Variants in PLCG2 observed in about 807,000 individuals in gnomAD.
The protein encoded by PLCG2 is phospholipase C gamma 2.
In PLCG2, 69 loss-of-function variants were observed where a neutral mutation model predicts 175.6. The ratio of observed to expected loss-of-function variants is 0.39; its 90% CI spans 0.32 to 0.48. The LOEUF (loss-of-function observed/expected upper bound fraction) is 0.48, where lower values mean the gene tolerates loss of function less well. Ranked by LOEUF, PLCG2 falls within the 20% of genes least tolerant of loss-of-function variation. The pLI, the probability that PLCG2 is intolerant of heterozygous loss-of-function variation, is 0.91. For synonymous variants in PLCG2, 827 were observed against 624.0 expected (o/e 1.33, Z -4.85); for missense variants, 1,798 against 1,650.9 (o/e 1.09, Z -1.54).
intron 23 of PLCG2, 38 bp from the exon 24 acceptor site, chr16:81,928,520 G>T: frequency 7.5e-7 from 1 of 1,336,190 alleles, no homozygotes; most frequent in Non-Finnish European, 1.1e-6. Context: ...TATTATTCCC[G>T]TTACAACTAA....
intron 22 of PLCG2, among the ~76,000 whole-genome samples, chr16:81,926,713 G>T (rs1910289394): frequency 6.6e-6 from 1 of 152,260 alleles, no homozygotes; most frequent in African/African-American, 2.4e-5. Flanking sequence ...TTTAATTCCA[G>T]CCTGTCTGCC....
intron 19 of PLCG2, 34 bp from the exon 20 acceptor site, chr16:81,919,450 T>C: frequency 6.3e-7 from 1 of 1,580,224 alleles, no homozygotes; most frequent in South Asian, 1.1e-5. Flanking sequence ...CACCAGGATC[T>C]TGGCATGTCA....
intron 1 of PLCG2, among the ~76,000 whole-genome samples, chr16:81,782,710 G>A (rs1200974926): frequency 6.6e-6 from 1 of 152,224 alleles, no homozygotes; most frequent in African/African-American, 2.4e-5. Flanking sequence ...TCAGTGCTCT[G>A]TGCATGTTAA....
At chr16:81,775,630 G>A (rs1667480091), upstream of PLCG2, among the ~76,000 whole-genome samples, 1 of 152,188 alleles carries the variant, frequency 6.6e-6, no homozygotes, top group Non-Finnish European at 1.5e-5. Flanking sequence ...ATGCACCATG[G>A]CTGCCAGCAA....
intron 2 of PLCG2, among the ~76,000 whole-genome samples, chr16:81,811,180 C>T (rs1904316588): frequency 6.6e-6 from 1 of 152,192 alleles, no homozygotes; most frequent in South Asian, 2.1e-4. Context: ...CCTCCTGAGT[C>T]TCCCATTCTG....
chr16:81,868,605 T>A (rs1354155395), intron 5 of PLCG2, among the ~76,000 whole-genome samples: 1 of 152,248 alleles, frequency 6.6e-6, no homozygotes. Context: ...ATGAAGAGTG[T>A]CATAGTTACT....
At chr16:81,762,718 A>C (rs533595757) in intron 2 of PLCG2, among the ~76,000 whole-genome samples, 1 of 152,214 alleles carries the variant, frequency 6.6e-6, no homozygotes, top group Non-Finnish European at 1.5e-5. Context: ...GAGCAAAAGA[A>C]TACACCACTG....
At position 81,886,223 on chromosome 16, in the gene PLCG2, A is replaced by G. The variant is rs534937868; in HGVS notation, c.765+2882A>G. 1.1e-4 allele frequency among the ~76,000 whole-genome samples: 16 copies of G among 152,318 alleles called. 1 individual carries two copies. The South Asian group carries it at 3.3e-3, about 32-fold the overall frequency. On this transcript the variant is annotated intron_variant, in intron 9 of 32. Coordinates refer to ENST00000564138, the MANE Select transcript of PLCG2 (RefSeq NM_002661.5). Reference sequence around the variant, plus strand: ...TTGACTTTATTACGTGCTTTCCCCAAACGGGGCCCTTTGCTGGGCTGCCCT... The same window carrying G: ...TTGACTTTATTACGTGCTTTCCCCAGACGGGGCCCTTTGCTGGGCTGCCCT...
intron 2 of PLCG2, among the ~76,000 whole-genome samples, chr16:81,787,310 C>T (rs1357047159): frequency 6.6e-6 from 1 of 152,014 alleles, no homozygotes; most frequent in Admixed American, 6.6e-5. Flanking sequence ...CAGCCTCAGC[C>T]CCCTGGGCTC....
intron 19 of PLCG2, among the ~76,000 whole-genome samples, chr16:81,915,226 A>G (rs1909793237): frequency 6.6e-6 from 1 of 152,148 alleles, no homozygotes; most frequent in South Asian, 2.1e-4. Flanking sequence ...GCAGTAGGGG[A>G]ACACAGGTCT....
At chr16:81,933,610 G>A (rs1241559860) in intron 25 of PLCG2, among the ~76,000 whole-genome samples, 8 of 149,986 alleles carry the variant, frequency 5.3e-5, no homozygotes, top group Non-Finnish European at 7.4e-5. Context: ...TCACTCTGTT[G>A]CCCAGGCTAC....
chr16:81,957,548 A>G (rs1911624523), intron 32 of PLCG2, among the ~76,000 whole-genome samples: 1 of 152,142 alleles, frequency 6.6e-6, no homozygotes, highest in Non-Finnish European at 1.5e-5. Flanking sequence ...ATCCCCCAAC[A>G]GGGATGCTTG....
intron 9 of PLCG2, among the ~76,000 whole-genome samples, chr16:81,884,666 A>G (rs893469403): frequency 6.6e-6 from 1 of 151,798 alleles, no homozygotes; most frequent in Non-Finnish European, 1.5e-5. Flanking sequence ...ATTTTTGTTT[A>G]TATCATTGGA....
At position 81,958,300 on chromosome 16, in the gene PLCG2, T is replaced by G. The variant is rs984987153; in HGVS notation, c.*302T>G. The G allele has an allele frequency of 2.5e-5, 10 of 405,670 alleles. No homozygotes were observed. Among genetic ancestry groups the G allele is most frequent in the Non-Finnish European group, 4.0e-5 (9 of 223,990 alleles). The allele number at this position is 405,670 out of a possible 1,614,324, so 25.1% of individuals were successfully genotyped here. Reference sequence around the variant, plus strand: ...AAAAGCAATGAAAACCTTGATCAATTAAGCCTTCTGTTGCACGACCTGTGC... The same window carrying G: ...AAAAGCAATGAAAACCTTGATCAATGAAGCCTTCTGTTGCACGACCTGTGC... On this transcript the variant is annotated 3_prime_UTR_variant, in exon 33 of 33. Coordinates refer to ENST00000564138, the MANE Select transcript of PLCG2 (RefSeq NM_002661.5).
Position 81,796,554 on chromosome 16 carries a change from T to C in PLCG2, c.193+10372T>C, listed in dbSNP as rs191552390. Among the ~76,000 whole-genome samples, 569 of 152,366 alleles carry C rather than the reference T, an allele frequency of 3.7e-3. 1 individual carries two copies. Among genetic ancestry groups the C allele is most frequent in the African/African-American group, 0.013 (521 of 41,580 alleles). On this transcript the variant is annotated intron_variant, in intron 2 of 32. Transcript: ENST00000564138. The stretch of plus-strand genomic sequence containing the variant: ...TTGAATTGTCCTTACCAATTTCATA[T>C]GTCAAGGTCCTAATCCCCATACTCA...
At chr16:81,910,211 C>T (rs1424807309) in intron 17 of PLCG2, among the ~76,000 whole-genome samples, 2 of 152,192 alleles carry the variant, frequency 1.3e-5, no homozygotes. Flanking sequence ...TTGCCTCAGC[C>T]TCCCAAGTAG....
intron 2 of PLCG2, among the ~76,000 whole-genome samples, chr16:81,838,159 A>G (rs1056284943): frequency 6.6e-6 from 1 of 151,734 alleles, no homozygotes; most frequent in East Asian, 1.9e-4. Context: ...GCTCACTGCA[A>G]CCTCTGCCTC....
In PLCG2 at chr16:81,937,775, A is replaced by C; in HGVS notation, c.3070A>C (p.Asn1024His). Reference sequence around the variant, plus strand: ...CTTCCCAGATAAGTACATGCAGATGAATCACGCATTGTTTTCTCTCAATGG... The same window carrying C: ...CTTCCCAGATAAGTACATGCAGATGCATCACGCATTGTTTTCTCTCAATGG... ...FQTADKYMQM[N>H]HALFSLNGRT... Residue 1024 changes from asparagine (N) to histidine (H), a missense_variant, in exon 28 of 33, where the codon AAT becomes CAT. Physicochemically the swap from Asn to His is moderately conservative, Grantham distance 68. Transcript: ENST00000564138. The C allele has an allele frequency of 6.2e-7, 1 of 1,614,020 alleles. No homozygotes were observed. Among genetic ancestry groups the C allele is most frequent in the African/African-American group, 1.3e-5 (1 of 75,056 alleles).
intron 31 of PLCG2, among the ~76,000 whole-genome samples, chr16:81,947,409 G>A (rs963210218): frequency 6.6e-6 from 1 of 152,180 alleles, no homozygotes; most frequent in Admixed American, 6.5e-5. Flanking sequence ...CACAGGTGCA[G>A]CTCGGCATTT....
Sources: allele counts gnomAD v4.1 joint callset (sites outside exome capture counted in the v4.1 genomes callset), GRCh38; gene constraint gnomAD v4.1.1; transcripts MANE v1.5; gene names NCBI Gene and HGNC (gene_info 2026-07-23, HGNC 2026-07-21).